Variants in CCDC181 observed in about 807,000 individuals in gnomAD.
CCDC181 encodes coiled-coil domain containing 181.
A neutral mutation model predicts 58.7 loss-of-function variants in CCDC181; 35 were observed. That is an observed-to-expected ratio of 0.60 (90% CI 0.46 to 0.79). The LOEUF (loss-of-function observed/expected upper bound fraction) is 0.79, where lower values mean the gene tolerates loss of function less well. Ranked by LOEUF, CCDC181 falls within the 30% of genes least tolerant of loss-of-function variation. CCDC181 has a pLI of 0.00. For missense variants in CCDC181, 517 were observed against 583.9 expected, an observed-to-expected ratio of 0.89 and a Z score of 1.18; for synonymous variants, 183 against 197.5, an observed-to-expected ratio of 0.93 and a Z score of 0.62.
intron 2 of CCDC181, among the ~76,000 whole-genome samples, chr1:169,448,991 T>C (rs576727304): frequency 6.6e-6 from 1 of 152,324 alleles, no homozygotes; most frequent in South Asian, 2.1e-4. Flanking sequence ...ATAGTGTCTC[T>C]GATTTTTAGC....
At chr1:169,418,983 G>T in intron 4 of CCDC181, 30 bp downstream of exon 4, 1 of 1,555,832 alleles carries the variant, frequency 6.4e-7, no homozygotes, top group Non-Finnish European at 8.9e-7. Context: ...ATATCTGTAT[G>T]AACTTATTTT....
intron 2 of CCDC181, among the ~76,000 whole-genome samples, chr1:169,445,966 G>A (rs1295148194): frequency 6.6e-6 from 1 of 152,044 alleles, no homozygotes; most frequent in East Asian, 1.9e-4. Context: ...TTCTGATACT[G>A]GTAATTTGTG....
At chr1:169,421,159 CTTT>C (rs1656436789) in intron 3 of CCDC181, among the ~76,000 whole-genome samples, 2 of 152,164 alleles carry the variant, frequency 1.3e-5, no homozygotes, top group South Asian at 4.1e-4. Context: ...GTCTACTATT[CTTT>C]GTGATCCTTA....
intron 2 of CCDC181, among the ~76,000 whole-genome samples, chr1:169,432,701 C>A (rs1316857104): frequency 2.0e-5 from 3 of 151,940 alleles, no homozygotes; most frequent in Non-Finnish European, 4.4e-5. Flanking sequence ...GTTTAACATA[C>A]AAAAATCGAT....
intron 2 of CCDC181, among the ~76,000 whole-genome samples, chr1:169,448,542 A>G (rs2101754625): frequency 6.6e-6 from 1 of 152,208 alleles, no homozygotes; most frequent in East Asian, 1.9e-4. Flanking sequence ...TCTGACAAGA[A>G]ATCTGCTGCA....
At chr1:169,410,754 A>G (rs1352053127) in intron 4 of CCDC181, among the ~76,000 whole-genome samples, 1 of 152,250 alleles carries the variant, frequency 6.6e-6, no homozygotes, top group Non-Finnish European at 1.5e-5. Context: ...AAACTGCACA[A>G]CTACATGGAA....
intron 2 of CCDC181, among the ~76,000 whole-genome samples, chr1:169,439,949 C>T (rs879446698): frequency 3.3e-5 from 5 of 152,036 alleles, no homozygotes; most frequent in Admixed American, 2.6e-4. Flanking sequence ...TCTGCTGCTC[C>T]ACTCTGCTGC....
intron 1 of CCDC181, chr1:169,459,969 T>A (rs1453255515): frequency 7.0e-6 from 1 of 142,322 alleles, no homozygotes; most frequent in African/African-American, 2.6e-5. Context: ...TAGAACTATA[T>A]CAAACAGATG....
intron 4 of CCDC181, among the ~76,000 whole-genome samples, chr1:169,412,234 A>T (rs1172585537): frequency 6.6e-6 from 1 of 151,794 alleles, no homozygotes; most frequent in East Asian, 1.9e-4. Context: ...ATACAGCAGT[A>T]GTACAAACAG....
intron 2 of CCDC181, among the ~76,000 whole-genome samples, chr1:169,446,998 C>T (rs1657394416): frequency 6.6e-6 from 1 of 152,112 alleles, no homozygotes; most frequent in African/African-American, 2.4e-5. Context: ...AAGTATTTTG[C>T]TTAATCTCCA....
upstream of CCDC181, among the ~76,000 whole-genome samples, chr1:169,430,338 G>A (rs1312783503): frequency 1.3e-5 from 2 of 152,176 alleles, no homozygotes; most frequent in Admixed American, 6.5e-5. Context: ...AATGATAATG[G>A]TATTTTGATG....
At chr1:169,433,575 A>G (rs1027185981) in intron 2 of CCDC181, among the ~76,000 whole-genome samples, 2 of 152,072 alleles carry the variant, frequency 1.3e-5, no homozygotes, top group Non-Finnish European at 2.9e-5. Flanking sequence ...GTACTGCATA[A>G]AGACAGCTTT....
At chr1:169,402,430 G>A (rs1050763909) in intron 4 of CCDC181, among the ~76,000 whole-genome samples, 2 of 152,280 alleles carry the variant, frequency 1.3e-5, no homozygotes, top group South Asian at 2.1e-4. Context: ...CCCACAAAGG[G>A]AAGCCCATCA....
Position 169,444,676 on chromosome 1 carries a change from A to G in CCDC181, c.-24+15121T>C, listed in dbSNP as rs552190974. On this transcript the variant is annotated intron_variant, in intron 2 of 6. Coordinates refer to the CCDC181 transcript ENST00000545005. Reference sequence around the variant, plus strand: ...TTTTATCTTCACCTTTGCCTCTTGAATACCGCATGTCTTGTAGTGACAATC... The same window carrying G: ...TTTTATCTTCACCTTTGCCTCTTGAGTACCGCATGTCTTGTAGTGACAATC... Among the ~76,000 whole-genome samples the G allele has an allele frequency of 5.9e-5, 9 of 152,288 alleles. No homozygotes were observed. The East Asian group carries it at 9.6e-4, about 16-fold the overall frequency.
intron 4 of CCDC181, among the ~76,000 whole-genome samples, chr1:169,402,477 C>T (rs557796697): frequency 6.6e-6 from 1 of 152,216 alleles, no homozygotes; most frequent in Non-Finnish European, 1.5e-5. Context: ...ACTCTACAAG[C>T]CAGAAGAGAG....
chr1:169,445,218 CT>C (rs1657340120), intron 2 of CCDC181, among the ~76,000 whole-genome samples: 1 of 152,084 alleles, frequency 6.6e-6, no homozygotes, highest in Non-Finnish European at 1.5e-5. Context: ...TGTTCCTGAT[CT>C]TAGGGGGGAC....
intron 2 of CCDC181, among the ~76,000 whole-genome samples, chr1:169,439,051 C>T (rs1026668324): frequency 5.3e-5 from 8 of 152,036 alleles, no homozygotes; most frequent in African/African-American, 9.7e-5. Context: ...CCAACTGAGA[C>T]CCCCCCAGGA....
chr1:169,405,697 A>C (rs1026572215), intron 4 of CCDC181, among the ~76,000 whole-genome samples: 10 of 152,254 alleles, frequency 6.6e-5, no homozygotes, highest in African/African-American at 2.4e-4. Flanking sequence ...CTAAAACCAT[A>C]AAAACCCTAG....
intron 4 of CCDC181, among the ~76,000 whole-genome samples, chr1:169,400,944 C>T (rs914591713): frequency 1.4e-4 from 22 of 152,120 alleles, no homozygotes; most frequent in African/African-American, 5.1e-4. Flanking sequence ...TGGGACACTC[C>T]CACCCCAATA....
Sources: allele counts gnomAD v4.1 joint callset (sites outside exome capture counted in the v4.1 genomes callset), GRCh38; gene constraint gnomAD v4.1.1; transcripts MANE v1.5; gene names NCBI Gene and HGNC (gene_info 2026-07-23, HGNC 2026-07-21).